The following IL20RB variants were observed in gnomAD, a reference collection of about 807,000 sequenced individuals.
The protein encoded by IL20RB is interleukin-20 receptor subunit beta.
In IL20RB, 21 loss-of-function variants were observed where a neutral mutation model predicts 33.3. The ratio of observed to expected loss-of-function variants is 0.63; its 90% CI spans 0.45 to 0.91. IL20RB has a LOEUF of 0.91. IL20RB is among the 40% of genes least tolerant of loss of function. The probability of loss-of-function intolerance (pLI) is 0.00; values close to 1 mark genes in which losing one functional copy is unlikely to be tolerated. For synonymous variants in IL20RB, 147 were observed against 146.8 expected (o/e 1.00, Z -0.01); for missense variants, 345 against 384.8 (o/e 0.90, Z 0.86).
At chr3:136,982,019 G>C in intron 2 of IL20RB, 141 bp from the exon 3 acceptor site, 2 of 506,110 alleles carry the variant, frequency 4.0e-6, no homozygotes, top group South Asian at 4.2e-5. Flanking sequence ...GTAGGGAGGA[G>C]AGTGGAGGAG....
chr3:136,991,977 C>T lies in IL20RB; in HGVS notation c.571C>T (p.His191Tyr). Residue 191 changes from histidine (H) to tyrosine (Y), a missense_variant, in exon 5 of 7, where the codon CAC becomes TAC. Coordinates refer to ENST00000329582, the MANE Select transcript of IL20RB (RefSeq NM_144717.4). ...GGTGAGGAGTGGGGGTATTCCAGTG[C>T]ACCTAGAAACCATGGAGCCAGGGGC... ...KMVRSGGIPV[H>Y]LETMEPGAAY... 6.2e-7 allele frequency: 1 copy of T among 1,614,178 alleles called. No homozygotes were observed. Among genetic ancestry groups the T allele is most frequent in the Non-Finnish European group, 8.5e-7 (1 of 1,180,028 alleles).
chr3:136,964,029 T>C (rs1327821532), intron 1 of IL20RB, among the ~76,000 whole-genome samples: 1 of 58,142 alleles, frequency 1.7e-5, no homozygotes, highest in Non-Finnish European at 3.1e-5. Context: ...GAACTCATCA[T>C]TTTTTATGGC....
At chr3:136,990,623 C>T (rs1942013581) in intron 4 of IL20RB, among the ~76,000 whole-genome samples, 1 of 152,230 alleles carries the variant, frequency 6.6e-6, no homozygotes, top group African/African-American at 2.4e-5. Context: ...TCCAATTGGT[C>T]TTGCTCGTCT....
intron 6 of IL20RB, among the ~76,000 whole-genome samples, chr3:137,000,872 T>A (rs922660743): frequency 6.6e-6 from 1 of 152,230 alleles, no homozygotes; most frequent in African/African-American, 2.4e-5. Flanking sequence ...CTCTCTCTTA[T>A]GTTTTCTTTA....
rs765932819 is a variant in IL20RB, at chr3:136,989,584, C to G, written c.531+19C>G. 3 of 1,613,030 alleles carry G rather than the reference C, an allele frequency of 1.9e-6. No homozygotes were observed. Among genetic ancestry groups the G allele is most frequent in the Non-Finnish European group, 2.5e-6 (3 of 1,179,426 alleles). On this transcript the variant is annotated intron_variant, in intron 4 of 6. Coordinates refer to ENST00000329582, the MANE Select transcript of IL20RB (RefSeq NM_144717.4). ...TGCCGAGGTGAGACTCCAGCCTTGG[C>G]CTTTGGGTCAGGCTTCGGGAAAGAA...
chr3:136,992,847 G>A (rs1942058587), intron 5 of IL20RB, among the ~76,000 whole-genome samples: 1 of 152,124 alleles, frequency 6.6e-6, no homozygotes, highest in Admixed American at 6.5e-5. Flanking sequence ...GATTACAGGT[G>A]TGAGCCACCA....
chr3:137,009,522 A>T (rs1933029030), intron 6 of IL20RB, among the ~76,000 whole-genome samples: 1 of 152,022 alleles, frequency 6.6e-6, no homozygotes, highest in Non-Finnish European at 1.5e-5. Context: ...TCTGTGGTGG[A>T]AGAAGGTTAG....
intron 1 of IL20RB, among the ~76,000 whole-genome samples, chr3:136,979,101 T>C (rs2108195062): frequency 6.6e-6 from 1 of 152,186 alleles, no homozygotes; most frequent in East Asian, 1.9e-4. Flanking sequence ...GAGGGGACCA[T>C]TCCTTGTCCT....
chr3:136,970,207 T>G (rs1308580298), intron 1 of IL20RB, among the ~76,000 whole-genome samples: 1 of 151,990 alleles, frequency 6.6e-6, no homozygotes, highest in Non-Finnish European at 1.5e-5. Context: ...ACCTTCCACC[T>G]TAGCCTCTGA....
intron 6 of IL20RB, among the ~76,000 whole-genome samples, chr3:137,000,373 C>G (rs1398577458): frequency 1.3e-5 from 2 of 152,146 alleles, no homozygotes; most frequent in African/African-American, 4.8e-5. Context: ...TGGGATTTTT[C>G]CTCTTACTTT....
chr3:136,958,340 CCTAAACCT>C, intron 1 of IL20RB, 139 bp downstream of exon 1: 1 of 563,832 alleles, frequency 1.8e-6, no homozygotes, highest in East Asian at 3.1e-5. Flanking sequence ...TTTATCACCT[CCTAAACCT>C]CTATTCCCAC....
intron 2 of IL20RB, 52 bp downstream of exon 2, chr3:136,980,644 G>T: frequency 6.2e-7 from 1 of 1,608,294 alleles, no homozygotes; most frequent in Non-Finnish European, 8.5e-7. Context: ...GTTGGTTCCT[G>T]AAGGCATAGC....
chr3:136,961,069 G>A (rs1347188198), intron 1 of IL20RB, among the ~76,000 whole-genome samples: 1 of 152,214 alleles, frequency 6.6e-6, no homozygotes, highest in Non-Finnish European at 1.5e-5. Context: ...TACGAAATAG[G>A]TGTTCAGCAG....
chr3:136,980,241 A>T (rs1251045649), intron 1 of IL20RB: 1 of 529,120 alleles, frequency 1.9e-6, no homozygotes, highest in East Asian at 3.4e-5. Flanking sequence ...TTTAGTGTTA[A>T]CATAAGCATG....
At chr3:136,986,926 C>T (rs971963541) in intron 3 of IL20RB, 52 of 371,252 alleles carry the variant, frequency 1.4e-4, no homozygotes, top group African/African-American at 1.0e-3. Flanking sequence ...GTGAGTGTTA[C>T]AGCTCTTAAG....
chr3:136,997,128 C>T (rs1238813738), intron 6 of IL20RB, among the ~76,000 whole-genome samples: 2 of 150,044 alleles, frequency 1.3e-5, no homozygotes, highest in African/African-American at 2.5e-5. Flanking sequence ...GACGGAGTTT[C>T]GCTGTCATCG....
intron 6 of IL20RB, among the ~76,000 whole-genome samples, chr3:137,003,856 G>T (rs1942296138): frequency 6.6e-6 from 1 of 152,180 alleles, no homozygotes. Flanking sequence ...TAAAAGGAAT[G>T]CTTCCAGTTT....
intron 2 of IL20RB, among the ~76,000 whole-genome samples, chr3:136,981,450 T>G (rs1219454561): frequency 6.6e-6 from 1 of 152,084 alleles, no homozygotes; most frequent in Non-Finnish European, 1.5e-5. Flanking sequence ...GAATTTTGGA[T>G]AGTAATCAGT....
At chr3:136,979,101 TTCCTTG>T (rs1941705142) in intron 1 of IL20RB, among the ~76,000 whole-genome samples, 1 of 152,186 alleles carries the variant, frequency 6.6e-6, no homozygotes, top group Admixed American at 6.5e-5. Flanking sequence ...GAGGGGACCA[TTCCTTG>T]TCCTCCTGTA....
Sources: allele counts gnomAD v4.1 joint callset (sites outside exome capture counted in the v4.1 genomes callset), GRCh38; gene constraint gnomAD v4.1.1; transcripts MANE v1.5; gene names NCBI Gene and HGNC (gene_info 2026-07-23, HGNC 2026-07-21).